The following UBE3D variants were observed in gnomAD, a reference collection of about 807,000 sequenced individuals.
UBE3D encodes the protein ubiquitin protein ligase E3D, also known as E3 ubiquitin-protein ligase E3D.
Under a neutral mutation model 49.6 loss-of-function variants are expected in UBE3D, and 48 were observed. The observed-to-expected ratio is 0.97, with a 90% CI of 0.77 to 1.23. UBE3D has a LOEUF of 1.23. UBE3D is among the 50% of genes most tolerant of loss of function. UBE3D has a pLI of 0.00. For missense variants in UBE3D, 452 were observed against 468.4 expected (o/e 0.96, Z 0.32); for synonymous variants, 189 against 174.2 (o/e 1.08, Z -0.67).
At chr6:83,056,184 T>C (rs1173677030) in intron 2 of UBE3D, among the ~76,000 whole-genome samples, 1 of 152,262 alleles carries the variant, frequency 6.6e-6, no homozygotes, top group Non-Finnish European at 1.5e-5. Flanking sequence ...GATATTTGTA[T>C]ATTCAGTTAC....
chr6:83,044,034 A>T (rs1782854904), intron 4 of UBE3D, among the ~76,000 whole-genome samples: 1 of 152,226 alleles, frequency 6.6e-6, no homozygotes, highest in Non-Finnish European at 1.5e-5. Flanking sequence ...CAGAAATAGT[A>T]AAATACCTCA....
chr6:82,897,938 A>G (rs946138677), intron 9 of UBE3D, among the ~76,000 whole-genome samples: 5 of 152,230 alleles, frequency 3.3e-5, no homozygotes, highest in Non-Finnish European at 7.3e-5. Flanking sequence ...TCCATCTGAC[A>G]AAGGACTAAT....
At chr6:82,931,321 C>T (rs1052471901) in intron 9 of UBE3D, among the ~76,000 whole-genome samples, 7 of 152,186 alleles carry the variant, frequency 4.6e-5, no homozygotes, top group Non-Finnish European at 7.3e-5. Context: ...AATGTGGGGT[C>T]GGAGCCCCGA....
At chr6:83,046,654 C>A (rs567222027) in intron 3 of UBE3D, among the ~76,000 whole-genome samples, 2 of 91,370 alleles carry the variant, frequency 2.2e-5, no homozygotes, top group Non-Finnish European at 3.9e-5. Flanking sequence ...AGTAACGGTT[C>A]TAAATTCTTG....
At chr6:83,008,538 G>C (rs1780137906) in intron 8 of UBE3D, among the ~76,000 whole-genome samples, 1 of 152,170 alleles carries the variant, frequency 6.6e-6, no homozygotes, top group South Asian at 2.1e-4. Context: ...AAAGTGTTGA[G>C]AGAGATGTGT....
rs371709861 is a variant in UBE3D at position 83,052,021 on chromosome 6, G to T, written c.365+2127C>A. Among the ~76,000 whole-genome samples, 33 of 152,272 alleles carry T rather than the reference G, an allele frequency of 2.2e-4. No individual in the cohort carries two copies. The East Asian group carries it at 5.4e-3, about 25-fold the overall frequency. ...GAGGGACAGTGCCTGATGCTGAGGA[G>T]GATGATGATGATGATAAGAACAGTA... On this transcript the variant is annotated intron_variant, in intron 3 of 9. Transcript: ENST00000369747.
intron 9 of UBE3D, among the ~76,000 whole-genome samples, chr6:82,952,576 C>T (rs755682065): frequency 2.0e-5 from 3 of 152,056 alleles, no homozygotes; most frequent in Non-Finnish European, 4.4e-5. Context: ...AGGCATATGC[C>T]AGCACATCTG....
chr6:83,030,908 T>C (rs1483182442), intron 5 of UBE3D, among the ~76,000 whole-genome samples: 1 of 152,174 alleles, frequency 6.6e-6, no homozygotes, highest in Non-Finnish European at 1.5e-5. Flanking sequence ...ATGACTCTTG[T>C]TATGCTTTAG....
chr6:82,899,797 T>C (rs1036856543), intron 9 of UBE3D, among the ~76,000 whole-genome samples: 1 of 152,208 alleles, frequency 6.6e-6, no homozygotes, highest in African/African-American at 2.4e-5. Context: ...ATTGTAACAC[T>C]GTAGTGAACA....
At chr6:83,006,593 C>A (rs1227725286) in intron 8 of UBE3D, among the ~76,000 whole-genome samples, 1 of 152,182 alleles carries the variant, frequency 6.6e-6, no homozygotes, top group Non-Finnish European at 1.5e-5. Flanking sequence ...AACCCTTGAT[C>A]TTGGACTTTT....
chr6:82,987,178 CT>C (rs1449478315), intron 8 of UBE3D, among the ~76,000 whole-genome samples: 3 of 152,014 alleles, frequency 2.0e-5, no homozygotes, highest in Admixed American at 6.6e-5. Flanking sequence ...TGTTTTCTTT[CT>C]TTTTTTATTG....
chr6:83,045,421 T>A (rs896152507), intron 3 of UBE3D, among the ~76,000 whole-genome samples: 2 of 152,206 alleles, frequency 1.3e-5, no homozygotes, highest in Non-Finnish European at 2.9e-5. Flanking sequence ...TATAGTCTAC[T>A]GTGTTTCTTC....
In UBE3D at chr6:82,959,758, C is replaced by T. The variant is rs531746027; in HGVS notation, c.1011-2308G>A. On this transcript the variant is annotated intron_variant, in intron 8 of 9. Transcript: ENST00000369747. ...AAAAAAAAAAAAAGGATTGGCTCTG[C>T]TCCTAAGGAATGTAAGGCCTGCCTT... Among the ~76,000 whole-genome samples the T allele has an allele frequency of 1.7e-4, 25 of 146,940 alleles. No individual in the cohort carries two copies. The South Asian group carries it at 5.6e-3, about 33-fold the overall frequency.
chr6:82,948,746 A>G (rs995084546), intron 9 of UBE3D, among the ~76,000 whole-genome samples: 1 of 152,114 alleles, frequency 6.6e-6, no homozygotes, highest in South Asian at 2.1e-4. Flanking sequence ...TCATATCAAC[A>G]GAATGAAGGC....
At chr6:82,979,184 A>G (rs1777939719) in intron 8 of UBE3D, among the ~76,000 whole-genome samples, 1 of 152,196 alleles carries the variant, frequency 6.6e-6, no homozygotes, top group African/African-American at 2.4e-5. Flanking sequence ...GCAATATGGT[A>G]AGTGCTTAAT....
chr6:83,021,302 A>G (rs1781072213), intron 7 of UBE3D, among the ~76,000 whole-genome samples: 2 of 152,052 alleles, frequency 1.3e-5, no homozygotes, highest in Non-Finnish European at 1.5e-5. Context: ...TTGTCTGGGA[A>G]TGGTGGAGTA....
At chr6:82,988,658 T>A (rs1033948966) in intron 8 of UBE3D, among the ~76,000 whole-genome samples, 3 of 152,210 alleles carry the variant, frequency 2.0e-5, no homozygotes, top group African/African-American at 7.2e-5. Flanking sequence ...AAATATTGTA[T>A]ACTGCATGCA....
rs139397846 is a variant in UBE3D at position 83,047,363 on chromosome 6, T to C, written c.366-2704A>G. On this transcript the variant is annotated intron_variant, in intron 3 of 9. Coordinates refer to ENST00000369747, the MANE Select transcript of UBE3D (RefSeq NM_198920.3). Reference sequence around the variant, plus strand: ...ATAGGACACTTTGGCCTTCCCTGAATGCAGTTTCTTCTTGGGAACCCTACA... The same window carrying C: ...ATAGGACACTTTGGCCTTCCCTGAACGCAGTTTCTTCTTGGGAACCCTACA... Among the ~76,000 whole-genome samples the C allele has an allele frequency of 4.5e-3, 681 of 152,330 alleles. 6 individuals carry two copies. Among genetic ancestry groups the C allele is most frequent in the African/African-American group, 0.015 (643 of 41,578 alleles).
At chr6:83,027,799 T>C (rs1781587186) in intron 5 of UBE3D, among the ~76,000 whole-genome samples, 3 of 152,222 alleles carry the variant, frequency 2.0e-5, no homozygotes, top group South Asian at 4.1e-4. Context: ...CTTGAATCTA[T>C]AGATTGCTAT....
Sources: allele counts gnomAD v4.1 joint callset (sites outside exome capture counted in the v4.1 genomes callset), GRCh38; gene constraint gnomAD v4.1.1; transcripts MANE v1.5; gene names NCBI Gene and HGNC (gene_info 2026-07-23, HGNC 2026-07-21).